The following MACO1 variants were observed in gnomAD, a reference collection of about 807,000 sequenced individuals.
MACO1 encodes the protein macoilin.
In MACO1, 14 loss-of-function variants were observed where a neutral mutation model predicts 78.7. The ratio of observed to expected loss-of-function variants is 0.18; its 90% CI spans 0.12 to 0.28. The LOEUF is 0.28. Ranked by LOEUF, MACO1 falls within the 10% of genes least tolerant of loss-of-function variation. The probability of loss-of-function intolerance (pLI) is 1.00; values close to 1 mark genes in which losing one functional copy is unlikely to be tolerated. For missense variants in MACO1, 501 were observed against 799.0 expected, an observed-to-expected ratio of 0.63 and a Z score of 4.50; for synonymous variants, 288 against 291.6, an observed-to-expected ratio of 0.99 and a Z score of 0.12.
intron 1 of MACO1, among the ~76,000 whole-genome samples, chr1:25,445,462 T>C (rs1052487608): frequency 6.6e-6 from 1 of 152,204 alleles, no homozygotes; most frequent in African/African-American, 2.4e-5. Flanking sequence ...TACTGTATCA[T>C]TGAGGGTCAA....
At position 25,430,953 on chromosome 1, in the gene MACO1, C is replaced by T; in HGVS notation, c.-146C>T. On this transcript the variant is annotated 5_prime_UTR_variant, in exon 1 of 11. Transcript: ENST00000374343. ...CTCCGAGCCCCCCCTCCCCGTGCTA[C>T]CCCCTCCCCCCGGGTGCTGGCTCCA... is the stretch of plus-strand genomic sequence containing the variant. 3.3e-6 allele frequency: 1 copy of T among 301,052 alleles called. No individual in the cohort carries two copies. The highest frequency in any genetic ancestry group is 2.3e-5 in the African/African-American group (1 of 42,748). 18.6% of individuals were successfully genotyped at this position (301,052 alleles called of 1,614,324 possible). A position where few individuals can be genotyped will look rare whatever the true frequency, so the allele number is the denominator to read the frequency against.
At chr1:25,471,124 A>G (rs913572611) in intron 6 of MACO1, among the ~76,000 whole-genome samples, 36 of 152,284 alleles carry the variant, frequency 2.4e-4, no homozygotes, top group African/African-American at 8.4e-4. Flanking sequence ...GGATCACATA[A>G]GGCCAGGAGT....
In MACO1 at chr1:25,498,651, G is replaced by C. The variant is rs959522161; in HGVS notation, c.*185G>C. On this transcript the variant is annotated 3_prime_UTR_variant, in exon 11 of 11. Transcript: ENST00000374343. ...TTAGAACTGCCCATCAGTTTTTCTT[G>C]TAAATTTTTAGAAGACCTCACAGAA... The C allele has an allele frequency of 5.7e-6, 3 of 530,954 alleles. No individual in the cohort carries two copies. Among genetic ancestry groups the C allele is most frequent in the Non-Finnish European group, 9.4e-6 (3 of 317,584 alleles). The allele number at this position is 530,954 out of a possible 1,614,324, so 32.9% of individuals were successfully genotyped here. A position where few individuals can be genotyped will look rare whatever the true frequency, so the allele number is the denominator to read the frequency against.
chr1:25,447,006 G>A, intron 2 of MACO1, 103 bp downstream of exon 2: 2 of 1,373,422 alleles, frequency 1.5e-6, no homozygotes. Flanking sequence ...TTAGCTAATA[G>A]GGTCTGTTAA....
intron 6 of MACO1, among the ~76,000 whole-genome samples, chr1:25,480,941 T>A (rs1319068194): frequency 0.11 from 2,849 of 25,432 alleles, 100 homozygotes; most frequent in South Asian, 0.18. Flanking sequence ...TATATATATA[T>A]ATATATATAT....
intron 6 of MACO1, among the ~76,000 whole-genome samples, chr1:25,471,875 C>T (rs2124598047): frequency 6.6e-6 from 1 of 152,270 alleles, no homozygotes; most frequent in Middle Eastern, 3.4e-3. Context: ...GTTTTAAAAT[C>T]CAGCACTCCG....
intron 1 of MACO1, among the ~76,000 whole-genome samples, chr1:25,441,063 T>G (rs1332662435): frequency 6.6e-6 from 1 of 152,228 alleles, no homozygotes; most frequent in Non-Finnish European, 1.5e-5. Context: ...TGTTGTTGCT[T>G]TGTCCAGACA....
intron 1 of MACO1, among the ~76,000 whole-genome samples, chr1:25,442,111 A>G (rs539114441): frequency 1.1e-4 from 17 of 152,206 alleles, no homozygotes; most frequent in Middle Eastern, 3.2e-3. Context: ...CTGCTTTTCT[A>G]AAAAGCTAAT....
At chr1:25,476,114 C>T (rs574241695) in intron 6 of MACO1, among the ~76,000 whole-genome samples, 1 of 152,304 alleles carries the variant, frequency 6.6e-6, no homozygotes, top group South Asian at 2.1e-4. Context: ...CCTTTATGGA[C>T]CTTACTAAAA....
chr1:25,455,517 A>G (rs2043111352), intron 4 of MACO1, among the ~76,000 whole-genome samples: 1 of 152,234 alleles, frequency 6.6e-6, no homozygotes, highest in East Asian at 1.9e-4. Context: ...TAGTGAGACC[A>G]CATTTAGACT....
chr1:25,472,363 TA>T (rs1378787953), intron 6 of MACO1, among the ~76,000 whole-genome samples: 2 of 135,938 alleles, frequency 1.5e-5, no homozygotes, highest in Non-Finnish European at 3.2e-5. Flanking sequence ...ATCCCGCCCC[TA>T]GCCCCCCACC....
At chr1:25,475,545 C>A (rs1189940481) in intron 6 of MACO1, among the ~76,000 whole-genome samples, 2 of 141,412 alleles carry the variant, frequency 1.4e-5, no homozygotes, top group Admixed American at 7.3e-5. Flanking sequence ...AAGACCCAGG[C>A]TCTACAAAAA....
At chr1:25,489,554 G>C (rs923134356) in intron 9 of MACO1, among the ~76,000 whole-genome samples, 1 of 152,144 alleles carries the variant, frequency 6.6e-6, no homozygotes, top group Non-Finnish European at 1.5e-5. Flanking sequence ...TTAACTTGCT[G>C]TAGATTCATT....
chr1:25,492,292 G>T (rs540433909), intron 10 of MACO1, among the ~76,000 whole-genome samples: 4 of 152,184 alleles, frequency 2.6e-5, no homozygotes, highest in Admixed American at 2.0e-4. Context: ...GAACAAGCCA[G>T]CAGGGAGTAT....
chr1:25,479,251 T>C (rs2043349132), intron 6 of MACO1, among the ~76,000 whole-genome samples: 1 of 152,212 alleles, frequency 6.6e-6, no homozygotes, highest in Non-Finnish European at 1.5e-5. Context: ...TAATAAAAAC[T>C]TCTTTGTACT....
chr1:25,466,957 A>G (rs2043224818), intron 6 of MACO1, among the ~76,000 whole-genome samples: 1 of 152,108 alleles, frequency 6.6e-6, no homozygotes. Context: ...GGCCAGTGCG[A>G]TCATTCAGAA....
At chr1:25,450,101 C>CCT (rs1193494113) in intron 3 of MACO1, among the ~76,000 whole-genome samples, 5 of 151,712 alleles carry the variant, frequency 3.3e-5, no homozygotes, top group Admixed American at 3.3e-4. Flanking sequence ...AAACATTGAA[C>CCT]CTCTGCATTA....
Position 25,485,801 on chromosome 1 carries a change from T to A in MACO1, c.1496+6T>A. 6.2e-7 allele frequency: 1 copy of A among 1,606,066 alleles called. No homozygotes were observed. Among genetic ancestry groups the A allele is most frequent in the Non-Finnish European group, 8.5e-7 (1 of 1,176,654 alleles). On this transcript the variant is annotated splice_donor_region_variant and intron_variant, in intron 8 of 10. Coordinates refer to ENST00000374343, the MANE Select transcript of MACO1 (RefSeq NM_018202.6). This position sits in a 1 kb window ranked among gnomAD's most constrained non-coding sequence, Gnocchi z 4.3. ...GCGTTTGCTGCTGCATCTAGGTATG[T>A]CCATGTCACCTGAGTGTTTAATCCA...
At chr1:25,458,314 G>A (rs1261149468) in intron 5 of MACO1, 77 bp from the exon 6 acceptor site, 1 of 1,504,598 alleles carries the variant, frequency 6.6e-7, no homozygotes, top group East Asian at 2.3e-5. Flanking sequence ...ATAGTTTGTT[G>A]AATTAATCTG....
Sources: allele counts gnomAD v4.1 joint callset (sites outside exome capture counted in the v4.1 genomes callset), GRCh38; gene constraint gnomAD v4.1.1; non-coding constraint Gnocchi (gnomAD v3.1); transcripts MANE v1.5; gene names NCBI Gene and HGNC (gene_info 2026-07-23, HGNC 2026-07-21).